The following TENM4 variants were observed in gnomAD, a reference collection of about 807,000 sequenced individuals.
TENM4 encodes teneurin-4.
A neutral mutation model predicts 243.3 loss-of-function variants in TENM4; 82 were observed. The ratio of observed to expected loss-of-function variants is 0.34; its 90% CI spans 0.28 to 0.40. The LOEUF (loss-of-function observed/expected upper bound fraction) is 0.40. TENM4 is among the 10% of genes least tolerant of loss of function. TENM4 has a pLI of 1.00. For synonymous variants in TENM4, 1,412 were observed against 1,456.3 expected (o/e 0.97, Z 0.69); for missense variants, 3,138 against 3,673.3 (o/e 0.85, Z 3.77).
chr11:79,420,866 T>C (rs185030919), intron 1 of TENM4, among the ~76,000 whole-genome samples: 1 of 152,332 alleles, frequency 6.6e-6, no homozygotes, highest in African/African-American at 2.4e-5. Flanking sequence ...GGTTCAATGC[T>C]AATTCCACCA....
chr11:79,026,008 A>C (rs1212208287), intron 6 of TENM4, among the ~76,000 whole-genome samples: 1 of 152,128 alleles, frequency 6.6e-6, no homozygotes, highest in Non-Finnish European at 1.5e-5. Context: ...CTTTTCTTAA[A>C]TATTTCTAGA....
chr11:78,982,739 G>A (rs553994295), intron 6 of TENM4, among the ~76,000 whole-genome samples: 41 of 152,282 alleles, frequency 2.7e-4, no homozygotes, highest in South Asian at 1.9e-3. Flanking sequence ...GGCTCTCCAC[G>A]TCAAAAATTA....
chr11:79,280,231 C>T (rs1169909587), intron 2 of TENM4, among the ~76,000 whole-genome samples: 1 of 152,208 alleles, frequency 6.6e-6, no homozygotes, highest in African/African-American at 2.4e-5. Flanking sequence ...CACAGCTTTT[C>T]CTTCTCCTTC....
At chr11:78,931,628 T>C (rs1456809594) in intron 6 of TENM4, among the ~76,000 whole-genome samples, 1 of 152,218 alleles carries the variant, frequency 6.6e-6, no homozygotes, top group Non-Finnish European at 1.5e-5. Flanking sequence ...GTAGGTGTTA[T>C]TGTTTCCGTG....
intron 33 of TENM4, 32 bp from the exon 34 acceptor site, chr11:78,658,848 A>T: frequency 6.3e-7 from 1 of 1,581,660 alleles, no homozygotes; most frequent in Non-Finnish European, 8.6e-7. Context: ...AGAGAGAGTA[A>T]GACAAAGGGG....
Position 78,657,108 on chromosome 11 carries a change from T to C in TENM4, c.*950A>G, listed in dbSNP as rs571966224. The C allele has an allele frequency of 2.5e-6, 1 of 398,670 alleles. No homozygotes were observed. The highest frequency in any genetic ancestry group is 1.3e-4 in the South Asian group (1 of 7,860). The allele number at this position is 398,670 out of a possible 1,614,324, so 24.7% of individuals were successfully genotyped here. A position where few individuals can be genotyped will look rare whatever the true frequency, so the allele number is the denominator to read the frequency against. On this transcript the variant is annotated 3_prime_UTR_variant, in exon 34 of 34. Transcript: ENST00000278550. Reference sequence around the variant, plus strand: ...CATGCCTTTGCCATGGGTGGCCTTCTGTTCTGTGGACATGGTGCCCACATT... The same window carrying C: ...CATGCCTTTGCCATGGGTGGCCTTCCGTTCTGTGGACATGGTGCCCACATT...
intron 16 of TENM4, among the ~76,000 whole-genome samples, chr11:78,781,352 G>A (rs185377111): frequency 6.6e-6 from 1 of 152,210 alleles, no homozygotes; most frequent in East Asian, 1.9e-4. Context: ...CTTGGGCAAC[G>A]CTTGTTTCTT....
chr11:78,897,790 G>A (rs1855832363), intron 7 of TENM4, among the ~76,000 whole-genome samples: 1 of 152,238 alleles, frequency 6.6e-6, no homozygotes, highest in Non-Finnish European at 1.5e-5. Context: ...AGAAGGCACT[G>A]TGTGTGCCAT....
intron 2 of TENM4, among the ~76,000 whole-genome samples, chr11:79,237,975 T>G (rs2135274927): frequency 6.6e-6 from 1 of 152,240 alleles, no homozygotes; most frequent in South Asian, 2.1e-4. Context: ...CAACACTTCC[T>G]CGCTACAGCC....
chr11:79,005,001 A>G (rs1331557255), intron 6 of TENM4, among the ~76,000 whole-genome samples: 1 of 151,796 alleles, frequency 6.6e-6, no homozygotes, highest in Non-Finnish European at 1.5e-5. Flanking sequence ...TACACAAACT[A>G]GAAAACTAAG....
At chr11:79,090,914 C>T (rs1860930714) in intron 4 of TENM4, among the ~76,000 whole-genome samples, 1 of 152,180 alleles carries the variant, frequency 6.6e-6, no homozygotes, top group African/African-American at 2.4e-5. Context: ...AGATAATCCC[C>T]ATCCCAGATC....
chr11:79,016,262 G>A (rs974983738), intron 6 of TENM4, among the ~76,000 whole-genome samples: 1 of 152,162 alleles, frequency 6.6e-6, no homozygotes, highest in Non-Finnish European at 1.5e-5. Context: ...AGATGCTGGG[G>A]ACTTGACTTA....
At chr11:78,828,982 G>A (rs377515891) in intron 12 of TENM4, among the ~76,000 whole-genome samples, 35 of 152,350 alleles carry the variant, frequency 2.3e-4, no homozygotes, top group East Asian at 1.9e-3. Flanking sequence ...GGCCTGTGGG[G>A]CCATCTGCTC....
At chr11:79,379,488 G>A (rs1382920370) in intron 1 of TENM4, among the ~76,000 whole-genome samples, 1 of 152,170 alleles carries the variant, frequency 6.6e-6, no homozygotes, top group Non-Finnish European at 1.5e-5. Flanking sequence ...ACAATGGACT[G>A]GATCAGGGTG....
At chr11:79,371,607 G>T (rs2135509761) in intron 1 of TENM4, among the ~76,000 whole-genome samples, 1 of 152,264 alleles carries the variant, frequency 6.6e-6, no homozygotes. Flanking sequence ...CAACATCCCA[G>T]ATCTCTTTGC....
At chr11:79,347,170 G>C (rs949078239) in intron 1 of TENM4, among the ~76,000 whole-genome samples, 1 of 152,160 alleles carries the variant, frequency 6.6e-6, no homozygotes, top group Non-Finnish European at 1.5e-5. Flanking sequence ...ACTAGTGCCA[G>C]CTCCCACCAA....
intron 4 of TENM4, among the ~76,000 whole-genome samples, chr11:79,137,467 A>C (rs1311737997): frequency 6.6e-6 from 1 of 152,096 alleles, no homozygotes; most frequent in African/African-American, 2.4e-5. Context: ...CCCCTCAGGA[A>C]TGAAGGTTTG....
intron 2 of TENM4, among the ~76,000 whole-genome samples, chr11:79,225,552 A>G (rs1004636649): frequency 6.6e-6 from 1 of 152,094 alleles, no homozygotes; most frequent in African/African-American, 2.4e-5. Context: ...TGAGTAGCTG[A>G]TGTGTACCAC....
chr11:79,098,966 T>A (rs936523853), intron 4 of TENM4, among the ~76,000 whole-genome samples: 2 of 152,224 alleles, frequency 1.3e-5, no homozygotes, highest in African/African-American at 4.8e-5. Flanking sequence ...AGGGTGACTG[T>A]CTAGATTGAA....
Sources: gnomAD v4.1 joint callset for allele counts (sites outside exome capture counted in the v4.1 genomes callset) on GRCh38, gnomAD v4.1.1 for gene constraint, MANE v1.5 for transcripts, NCBI Gene and HGNC (gene_info 2026-07-23, HGNC 2026-07-21) for gene names.